Variants in DAB1 observed in about 807,000 individuals in gnomAD.
The protein encoded by DAB1 is disabled homolog 1.
Under a neutral mutation model 64.6 loss-of-function variants are expected in DAB1, and 15 were observed. The ratio of observed to expected loss-of-function variants is 0.23; its 90% CI spans 0.16 to 0.36. DAB1 has a LOEUF of 0.36. DAB1 is among the 10% of genes least tolerant of loss of function. The pLI is 1.00. For missense variants in DAB1, 596 were observed against 706.7 expected (o/e 0.84, Z 1.78); for synonymous variants, 235 against 251.9 (o/e 0.93, Z 0.64).
rs1169937171 is a variant in DAB1 at position 58,247,768 on chromosome 1, TCTC to T, written n.309+95581_309+95583del. On this transcript the variant is annotated intron_variant and non_coding_transcript_variant, in intron 4 of 20. Coordinates refer to the DAB1 transcript ENST00000485760. ...TCCTTCCCTTCCTGCATCTCTCCCT[TCTC>T]CTCACCACCACCCTCCCCACCCCAC... Among the ~76,000 whole-genome samples, 56 of 151,308 alleles carry T rather than the reference TCTC, an allele frequency of 3.7e-4. No homozygotes were observed. The South Asian group carries it at 0.011, about 30-fold the overall frequency.
At chr1:58,429,213 A>G (rs368132288) in intron 3 of DAB1, among the ~76,000 whole-genome samples, 1 of 152,212 alleles carries the variant, frequency 6.6e-6, no homozygotes. Flanking sequence ...CAAGACTAAC[A>G]TAACAAGACT....
At chr1:57,072,131 T>A in intron 5 of DAB1, 152 bp downstream of exon 5, 2 of 857,724 alleles carry the variant, frequency 2.3e-6, no homozygotes, top group Non-Finnish European at 3.5e-6. Flanking sequence ...CAAGGCTGTT[T>A]ATCTTTTCTA....
At chr1:57,248,550 C>T (rs747469270) in intron 2 of DAB1, among the ~76,000 whole-genome samples, 1 of 152,178 alleles carries the variant, frequency 6.6e-6, no homozygotes, top group Non-Finnish European at 1.5e-5. Flanking sequence ...AGTGCCGGTG[C>T]TGAAAACATG....
intron 5 of DAB1, among the ~76,000 whole-genome samples, chr1:58,125,301 A>C (rs1472551512): frequency 6.6e-6 from 1 of 152,184 alleles, no homozygotes; most frequent in Non-Finnish European, 1.5e-5. Flanking sequence ...TTTAAAATTC[A>C]GCAAATTTTA....
At chr1:57,600,191 T>A (rs77431800) in intron 7 of DAB1, among the ~76,000 whole-genome samples, 1 of 152,176 alleles carries the variant, frequency 6.6e-6, no homozygotes, top group African/African-American at 2.4e-5. Flanking sequence ...CCCAACAGGA[T>A]GCAAGCTCAG....
chr1:57,263,357 TG>T (rs1256481909), intron 2 of DAB1, among the ~76,000 whole-genome samples: 19 of 152,204 alleles, frequency 1.2e-4, no homozygotes, highest in African/African-American at 4.1e-4. Flanking sequence ...TGACCTCAGG[TG>T]ATCTGCCCAC....
rs1333683713 is a variant in DAB1, at chr1:56,998,141, G to A, written c.*16-13C>T. ...GAGGCTCTGGCTCCTGTGGATAAAG[G>A]AACAAAGTGAGGCCTGCTCTTTACA... On this transcript the variant is annotated splice_polypyrimidine_tract_variant and intron_variant, in intron 14 of 14. Transcript: ENST00000371236. The A allele has an allele frequency of 6.6e-6, 1 of 152,660 alleles. No homozygotes were observed. The highest frequency in any genetic ancestry group is 6.5e-5 in the Admixed American group (1 of 15,288). 9.5% of individuals were successfully genotyped at this position (152,660 alleles called of 1,614,324 possible). A position where few individuals can be genotyped will look rare whatever the true frequency, so the allele number is the denominator to read the frequency against.
At chr1:58,328,760 C>G (rs921430487) in intron 4 of DAB1, among the ~76,000 whole-genome samples, 2 of 152,122 alleles carry the variant, frequency 1.3e-5, no homozygotes, top group Non-Finnish European at 2.9e-5. Flanking sequence ...CACCTGCCAC[C>G]GTGCCTGGCT....
At chr1:57,608,711 G>GTAAGGA (rs1357796953) in intron 7 of DAB1, among the ~76,000 whole-genome samples, 1 of 152,156 alleles carries the variant, frequency 6.6e-6, no homozygotes, top group Non-Finnish European at 1.5e-5. Context: ...TTAAGGCTCA[G>GTAAGGA]TAAGGTTAAG....
chr1:58,259,939 A>T (rs952773955), intron 4 of DAB1, among the ~76,000 whole-genome samples: 1 of 152,228 alleles, frequency 6.6e-6, no homozygotes, highest in South Asian at 2.1e-4. Context: ...ATATTAAACC[A>T]TTTAACCTTC....
At chr1:58,296,592 G>T (rs1358568107) in intron 4 of DAB1, among the ~76,000 whole-genome samples, 2 of 152,172 alleles carry the variant, frequency 1.3e-5, no homozygotes, top group African/African-American at 4.8e-5. Context: ...TCACCCTTGT[G>T]CTCTTCCTCA....
chr1:57,079,440 C>G (rs138060135), intron 4 of DAB1, among the ~76,000 whole-genome samples: 30 of 152,096 alleles, frequency 2.0e-4, no homozygotes, highest in Admixed American at 1.9e-3. Context: ...CCTGGATTAC[C>G]GCAGTATCCT....
intron 1 of DAB1, among the ~76,000 whole-genome samples, chr1:57,354,472 G>A (rs955767619): frequency 6.6e-6 from 1 of 152,058 alleles, no homozygotes; most frequent in Non-Finnish European, 1.5e-5. Context: ...GAAATTGCCA[G>A]ACTCAGTTAG....
chr1:57,796,324 G>A (rs375047411), intron 6 of DAB1, among the ~76,000 whole-genome samples: 19 of 151,950 alleles, frequency 1.3e-4, no homozygotes, highest in African/African-American at 4.6e-4. Context: ...TCAGAAGATC[G>A]AGACCATCCT....
chr1:57,243,773 G>C (rs1668669225), intron 2 of DAB1, among the ~76,000 whole-genome samples: 1 of 152,130 alleles, frequency 6.6e-6, no homozygotes, highest in Non-Finnish European at 1.5e-5. Flanking sequence ...AAGCAGCGCT[G>C]GTGGTCGCTT....
At chr1:58,178,662 G>A (rs1656618694) in intron 4 of DAB1, among the ~76,000 whole-genome samples, 1 of 152,156 alleles carries the variant, frequency 6.6e-6, no homozygotes, top group Non-Finnish European at 1.5e-5. Flanking sequence ...TCTAAAAAGG[G>A]ACAGATAGAA....
chr1:57,083,748 T>C (rs74077356), intron 4 of DAB1, among the ~76,000 whole-genome samples: 4,071 of 152,226 alleles, frequency 0.027, 182 homozygotes, highest in African/African-American at 0.092. Context: ...ATGAGGTGGA[T>C]AGCAGGTGGT....
intron 1 of DAB1, among the ~76,000 whole-genome samples, chr1:57,334,699 A>G (rs554732108): frequency 3.9e-5 from 6 of 152,234 alleles, no homozygotes; most frequent in Non-Finnish European, 8.8e-5. Context: ...AGCTTTACGT[A>G]TGGTAACTCC....
chr1:57,736,912 G>A (rs1647716502), intron 6 of DAB1, among the ~76,000 whole-genome samples: 1 of 152,160 alleles, frequency 6.6e-6, no homozygotes. Flanking sequence ...GTAGTTTAAG[G>A]AAGAGACAAC....
Sources: allele counts gnomAD v4.1 joint callset (sites outside exome capture counted in the v4.1 genomes callset), GRCh38; gene constraint gnomAD v4.1.1; transcripts MANE v1.5; gene names NCBI Gene and HGNC (gene_info 2026-07-23, HGNC 2026-07-21).